The following RAD54B variants were observed in gnomAD, a reference collection of about 807,000 sequenced individuals.
The protein encoded by RAD54B is DNA repair and recombination protein RAD54B.
A neutral mutation model predicts 95.8 loss-of-function variants in RAD54B; 78 were observed. The ratio of observed to expected loss-of-function variants is 0.81; its 90% CI spans 0.68 to 0.98. The LOEUF is 0.98. RAD54B is among the 50% of genes least tolerant of loss of function. The pLI is 0.00. For missense variants in RAD54B, 957 were observed against 1,056.6 expected (o/e 0.91, Z 1.31); for synonymous variants, 328 against 354.9 (o/e 0.92, Z 0.85).
intron 1 of RAD54B, among the ~76,000 whole-genome samples, chr8:94,474,179 A>G (rs1237791237): frequency 6.6e-6 from 1 of 152,242 alleles, no homozygotes; most frequent in Non-Finnish European, 1.5e-5. Flanking sequence ...ATTCATGAAC[A>G]TAAAGATGGC....
At chr8:94,406,693 C>A (rs1811397060) in intron 5 of RAD54B, among the ~76,000 whole-genome samples, 1 of 152,116 alleles carries the variant, frequency 6.6e-6, no homozygotes, top group Non-Finnish European at 1.5e-5. Flanking sequence ...GAAAAATAAT[C>A]ATTACTTTAT....
chr8:94,382,526 T>G (rs1757844488), intron 11 of RAD54B, among the ~76,000 whole-genome samples: 1 of 152,168 alleles, frequency 6.6e-6, no homozygotes, highest in Non-Finnish European at 1.5e-5. Flanking sequence ...AGGAAACTAC[T>G]GTGAGATGTG....
intron 3 of RAD54B, among the ~76,000 whole-genome samples, chr8:94,436,329 T>C (rs527571076): frequency 6.6e-6 from 1 of 152,224 alleles, no homozygotes; most frequent in Admixed American, 6.5e-5. Context: ...AACAGAAAAA[T>C]TCCTCATAGC....
At chr8:94,436,752 T>A (rs1426299940) in intron 3 of RAD54B, 15 of 1,550,538 alleles carry the variant, frequency 9.7e-6, no homozygotes, top group African/African-American at 1.4e-5. Context: ...TCTTTTCTAC[T>A]ATTACTGAAT....
At chr8:94,391,404 T>C (rs577631337) in intron 10 of RAD54B, among the ~76,000 whole-genome samples, 1 of 150,238 alleles carries the variant, frequency 6.7e-6, no homozygotes, top group East Asian at 2.0e-4. Flanking sequence ...ATCTCTTCCC[T>C]ACTTCAGCTC....
At chr8:94,458,930 A>G (rs1812838103) in intron 2 of RAD54B, among the ~76,000 whole-genome samples, 1 of 152,152 alleles carries the variant, frequency 6.6e-6, no homozygotes, top group Non-Finnish European at 1.5e-5. Context: ...GAACTATTTT[A>G]AATTATGCTA....
chr8:94,432,657 C>A (rs1318695910), intron 3 of RAD54B: 1 of 1,500,244 alleles, frequency 6.7e-7, no homozygotes, highest in Non-Finnish European at 8.9e-7. Context: ...CAAGTTTGCA[C>A]TATAGCACAC....
At chr8:94,413,260 T>C (rs1163125315) in intron 3 of RAD54B, among the ~76,000 whole-genome samples, 2 of 152,146 alleles carry the variant, frequency 1.3e-5, no homozygotes, top group Non-Finnish European at 2.9e-5. Flanking sequence ...ACCAAAGCAA[T>C]TTTTGAAAAG....
chr8:94,432,835 A>G (rs367802047), intron 3 of RAD54B, among the ~76,000 whole-genome samples: 1 of 152,158 alleles, frequency 6.6e-6, no homozygotes, highest in Non-Finnish European at 1.5e-5. Flanking sequence ...TGGGATTTCA[A>G]TAATACATAC....
At chr8:94,463,268 TAAAA>T (rs537405630) in intron 2 of RAD54B, among the ~76,000 whole-genome samples, 1 of 123,510 alleles carries the variant, frequency 8.1e-6, no homozygotes. Flanking sequence ...GACTTCACCT[TAAAA>T]AAAAAAAAAA....
chr8:94,417,775 T>C (rs1811712184), intron 3 of RAD54B, among the ~76,000 whole-genome samples: 1 of 152,210 alleles, frequency 6.6e-6, no homozygotes, highest in Non-Finnish European at 1.5e-5. Flanking sequence ...AATTTATCAC[T>C]ACTAGAATTC....
intron 3 of RAD54B, among the ~76,000 whole-genome samples, chr8:94,442,576 GAAAAA>G (rs531694623): frequency 4.4e-5 from 2 of 45,636 alleles, no homozygotes; most frequent in African/African-American, 8.2e-5. Flanking sequence ...CTCTGTCTCA[GAAAAA>G]AAAAAAAAAA....
chr8:94,403,723 A>G (rs1399786950), intron 6 of RAD54B, among the ~76,000 whole-genome samples: 2 of 152,156 alleles, frequency 1.3e-5, no homozygotes, highest in East Asian at 3.9e-4. Flanking sequence ...AGCCTCTTTC[A>G]CTTGCTCTTA....
At chr8:94,373,719 T>A (rs1374933589) in intron 14 of RAD54B, among the ~76,000 whole-genome samples, 2 of 152,194 alleles carry the variant, frequency 1.3e-5, no homozygotes, top group Non-Finnish European at 2.9e-5. Context: ...CCTGACTAAC[T>A]TATCAATTTA....
chr8:94,451,952 T>C (rs1812664668), intron 3 of RAD54B, among the ~76,000 whole-genome samples: 3 of 152,182 alleles, frequency 2.0e-5, no homozygotes, highest in Admixed American at 1.3e-4. Flanking sequence ...CAAAATACCA[T>C]AAACTGGGTA....
chr8:94,470,297 C>A (rs1291997158), intron 1 of RAD54B, among the ~76,000 whole-genome samples: 1 of 151,820 alleles, frequency 6.6e-6, no homozygotes. Flanking sequence ...CCCGTCTCTA[C>A]TAAAAATATA....
chr8:94,396,162 A>T (rs951314001), intron 8 of RAD54B, among the ~76,000 whole-genome samples: 1 of 152,100 alleles, frequency 6.6e-6, no homozygotes, highest in African/African-American at 2.4e-5. Context: ...GTATAGCATC[A>T]TTGTAAGAGT....
intron 3 of RAD54B, among the ~76,000 whole-genome samples, chr8:94,419,746 C>T (rs1388782710): frequency 3.6e-4 from 23 of 64,582 alleles, no homozygotes; most frequent in Non-Finnish European, 4.9e-4. Flanking sequence ...CTGGCCCCCA[C>T]CAAAAAAAAA....
chr8:94,432,388 C>T, intron 3 of RAD54B: 3 of 1,550,396 alleles, frequency 1.9e-6, no homozygotes, highest in Non-Finnish European at 2.6e-6. Context: ...CGAAAAAAAT[C>T]ATCTCTCCTT....
Sources: gnomAD v4.1 joint callset for allele counts (sites outside exome capture counted in the v4.1 genomes callset) on GRCh38, gnomAD v4.1.1 for gene constraint, MANE v1.5 for transcripts, NCBI Gene and HGNC (gene_info 2026-07-23, HGNC 2026-07-21) for gene names.